EYS: variants seen among roughly 807,000 people sequenced by gnomAD.
EYS encodes the protein protein eyes shut homolog.
EYS carries 250 observed loss-of-function variants against 282.1 expected under a neutral mutation model. That is an observed-to-expected ratio of 0.89 (90% CI 0.80 to 0.98). The LOEUF is 0.98. Ranked by LOEUF, EYS falls within the 50% of genes least tolerant of loss-of-function variation. EYS has a pLI of 0.00. For missense variants in EYS, 4,016 were observed against 3,709.0 expected, an observed-to-expected ratio of 1.08 and a Z score of -2.15; for synonymous variants, 1,355 against 1,282.9, an observed-to-expected ratio of 1.06 and a Z score of -1.20.
intron 12 of EYS, among the ~76,000 whole-genome samples, chr6:65,218,728 T>A (rs749964783): frequency 1.3e-5 from 2 of 152,132 alleles, no homozygotes; most frequent in Non-Finnish European, 2.9e-5. Context: ...AAACTTCAGA[T>A]GTCTCACCAG....
intron 2 of EYS, among the ~76,000 whole-genome samples, chr6:65,515,099 C>T (rs1047448973): frequency 6.6e-6 from 1 of 151,858 alleles, no homozygotes; most frequent in Non-Finnish European, 1.5e-5. Flanking sequence ...TACAACAAAA[C>T]AACAAACAAC....
At chr6:63,804,729 T>C (rs1770860785) in intron 37 of EYS, among the ~76,000 whole-genome samples, 3 of 152,276 alleles carry the variant, frequency 2.0e-5, no homozygotes, top group Middle Eastern at 3.4e-3. Flanking sequence ...TTGGATTGCA[T>C]TCTAAGTGCA....
At chr6:65,091,289 A>G (rs1222894153) in intron 12 of EYS, among the ~76,000 whole-genome samples, 1 of 149,572 alleles carries the variant, frequency 6.7e-6, no homozygotes, top group South Asian at 2.1e-4. Context: ...AAAAAAAAAA[A>G]AAAAAAACAG....
intron 2 of EYS, among the ~76,000 whole-genome samples, chr6:65,527,924 AG>A (rs1767630035): frequency 6.6e-6 from 1 of 152,160 alleles, no homozygotes; most frequent in Non-Finnish European, 1.5e-5. Flanking sequence ...ATGGCAAAGG[AG>A]TTGGTTCAAT....
intron 36 of EYS, chr6:63,857,484 C>A (rs868737356): frequency 4.6e-6 from 1 of 217,684 alleles, no homozygotes; most frequent in Non-Finnish European, 9.6e-6. Context: ...CCCTGAAGTG[C>A]CCGGCTTACT....
At chr6:64,137,969 G>T (rs940088413) in intron 31 of EYS, among the ~76,000 whole-genome samples, 1 of 152,182 alleles carries the variant, frequency 6.6e-6, no homozygotes, top group African/African-American at 2.4e-5. Context: ...AGTGAGGCAT[G>T]CCTGTATTGG....
At chr6:63,931,710 A>G (rs1204342963) in intron 35 of EYS, among the ~76,000 whole-genome samples, 1 of 152,236 alleles carries the variant, frequency 6.6e-6, no homozygotes, top group Non-Finnish European at 1.5e-5. Context: ...AATACAATGT[A>G]TAAGGATCAC....
At chr6:65,620,002 G>A (rs1405464472) in intron 2 of EYS, among the ~76,000 whole-genome samples, 1 of 151,958 alleles carries the variant, frequency 6.6e-6, no homozygotes, top group Non-Finnish European at 1.5e-5. Context: ...CAAGGATATT[G>A]GTCTAAAATT....
intron 9 of EYS, among the ~76,000 whole-genome samples, chr6:65,347,908 A>T (rs1003352718): frequency 2.0e-5 from 3 of 151,374 alleles, no homozygotes; most frequent in Non-Finnish European, 3.0e-5. Flanking sequence ...GGTAACCATC[A>T]TTCTACTCTC....
intron 5 of EYS, among the ~76,000 whole-genome samples, chr6:65,426,641 A>G (rs1446884016): frequency 6.6e-6 from 1 of 152,130 alleles, no homozygotes; most frequent in Non-Finnish European, 1.5e-5. Context: ...ATTTTATAAA[A>G]GCTAATTAGG....
intron 26 of EYS, among the ~76,000 whole-genome samples, chr6:64,571,316 G>A (rs1008159764): frequency 1.3e-5 from 2 of 152,128 alleles, no homozygotes; most frequent in African/African-American, 4.8e-5. Context: ...ATGGCCACAG[G>A]AGAAAGCAGA....
At chr6:64,212,611 CAG>C (rs1308896024) in intron 31 of EYS, among the ~76,000 whole-genome samples, 22 of 150,302 alleles carry the variant, frequency 1.5e-4, no homozygotes, top group Non-Finnish European at 7.4e-5. Context: ...AAGTCAAAAA[CAG>C]ATGCTGGCGA....
chr6:64,162,081 C>T (rs1486591812), intron 31 of EYS, among the ~76,000 whole-genome samples: 1 of 152,076 alleles, frequency 6.6e-6, no homozygotes, highest in African/African-American at 2.4e-5. Flanking sequence ...GATTCCAGCC[C>T]TCTAGGGAAG....
intron 11 of EYS, among the ~76,000 whole-genome samples, chr6:65,310,208 G>A (rs1045030832): frequency 2.0e-5 from 3 of 152,082 alleles, no homozygotes; most frequent in African/African-American, 7.2e-5. Flanking sequence ...GTCAGGCAAG[G>A]TGGCATGTGC....
intron 22 of EYS, among the ~76,000 whole-genome samples, chr6:64,715,804 T>G (rs1771372447): frequency 6.6e-6 from 1 of 152,216 alleles, no homozygotes; most frequent in Non-Finnish European, 1.5e-5. Context: ...GGAACAGTTA[T>G]CATTTGCCCC....
chr6:64,334,165 C>T (rs1397819726), intron 29 of EYS, among the ~76,000 whole-genome samples: 1 of 152,126 alleles, frequency 6.6e-6, no homozygotes, highest in Non-Finnish European at 1.5e-5. Flanking sequence ...TCCTTTTTTG[C>T]TGTTCCCAAC....
At chr6:64,232,644 G>C (rs960362491) in intron 30 of EYS, among the ~76,000 whole-genome samples, 11 of 151,710 alleles carry the variant, frequency 7.3e-5, no homozygotes, top group Non-Finnish European at 1.0e-4. Context: ...ACCAGCCTCG[G>C]CCCCCCCAGA....
At chr6:65,216,740 C>T (rs1016674558) in intron 12 of EYS, among the ~76,000 whole-genome samples, 9 of 151,606 alleles carry the variant, frequency 5.9e-5, no homozygotes, top group African/African-American at 2.2e-4. Context: ...AATAAAAACA[C>T]AATCTTAAAC....
intron 41 of EYS, among the ~76,000 whole-genome samples, chr6:63,757,663 G>A (rs572754314): frequency 2.6e-5 from 4 of 152,184 alleles, no homozygotes; most frequent in Admixed American, 6.5e-5. Flanking sequence ...TGGCCCAGCT[G>A]TAAAATTCCT....
Sources: allele counts gnomAD v4.1 joint callset (sites outside exome capture counted in the v4.1 genomes callset), GRCh38; gene constraint gnomAD v4.1.1; transcripts MANE v1.5; gene names NCBI Gene and HGNC (gene_info 2026-07-23, HGNC 2026-07-21).